The following MBD5 variants were observed in gnomAD, a reference collection of about 807,000 sequenced individuals.
MBD5 encodes the protein methyl-CpG-binding domain protein 5.
Under a neutral mutation model 117.3 loss-of-function variants are expected in MBD5, and 13 were observed. The observed-to-expected ratio is 0.11, with a 90% CI of 0.07 to 0.18. The LOEUF (loss-of-function observed/expected upper bound fraction) is 0.18. MBD5 is among the 10% of genes least tolerant of loss of function. The probability of loss-of-function intolerance (pLI) is 1.00; values close to 1 mark genes in which losing one functional copy is unlikely to be tolerated. For synonymous variants in MBD5, 727 were observed against 766.4 expected (o/e 0.95, Z 0.85); for missense variants, 1,879 against 2,093.8 (o/e 0.90, Z 2.00).
At chr2:148,408,063 T>C (rs11900654) in intron 4 of MBD5, among the ~76,000 whole-genome samples, 38,372 of 152,022 alleles carry the variant, frequency 0.25, 5,697 homozygotes, top group African/African-American at 0.41. Context: ...TCATCAGTAT[T>C]CATCTTGAGA....
rs547893445 is a variant in MBD5 at position 148,513,638 on chromosome 2, A to G, written c.*697A>G. On this transcript the variant is annotated 3_prime_UTR_variant, in exon 14 of 14. Coordinates refer to ENST00000642680, the MANE Select transcript of MBD5 (RefSeq NM_001378120.1). ...AATTTCGGGTGTCTAGGAAATTGCA[A>G]CTTTGCAGATTTCTAAAGGGATGAG... 1 of 152,404 alleles carries G rather than the reference A, an allele frequency of 6.6e-6. No individual in the cohort carries two copies. The highest frequency in any genetic ancestry group is 2.1e-4 in the South Asian group (1 of 4,830). 9.4% of individuals were successfully genotyped at this position (152,404 alleles called of 1,614,324 possible).
At chr2:148,432,255 T>C (rs112755926) in intron 4 of MBD5, among the ~76,000 whole-genome samples, 9,367 of 152,164 alleles carry the variant, frequency 0.062, 932 homozygotes, top group African/African-American at 0.21. Context: ...TCTTATAGAT[T>C]CTGGATATTA....
intron 1 of MBD5, among the ~76,000 whole-genome samples, chr2:148,087,379 G>A (rs1212406357): frequency 6.6e-6 from 1 of 152,202 alleles, no homozygotes; most frequent in African/African-American, 2.4e-5. Context: ...TCCTGAGTTT[G>A]TCCATGTGAC....
Position 148,386,290 on chromosome 2 carries a change from A to G in MBD5, c.-557+43954A>G, listed in dbSNP as rs1056008734. Among the ~76,000 whole-genome samples the G allele has an allele frequency of 2.6e-4, 39 of 152,328 alleles. No homozygotes were observed. The South Asian group carries it at 2.7e-3, about 11-fold the overall frequency. Reference sequence around the variant, plus strand: ...GATCCACAAAACCTGAAATTACTTAATTTGAAAGACCATAAAATTGACAAA... The same window carrying G: ...GATCCACAAAACCTGAAATTACTTAGTTTGAAAGACCATAAAATTGACAAA... On this transcript the variant is annotated intron_variant, in intron 4 of 13. Transcript: ENST00000642680.
chr2:148,031,002 A>G (rs191308417), intron 1 of MBD5, among the ~76,000 whole-genome samples: 61 of 152,246 alleles, frequency 4.0e-4, no homozygotes, highest in African/African-American at 1.4e-3. Context: ...TGTCCTGGAA[A>G]AATATAGACT....
intron 13 of MBD5, among the ~76,000 whole-genome samples, chr2:148,511,973 C>G (rs1203126296): frequency 6.6e-6 from 1 of 152,150 alleles, no homozygotes; most frequent in African/African-American, 2.4e-5. Flanking sequence ...AATTCTAAGT[C>G]CTGTGACATA....
chr2:148,138,427 C>T (rs947880437), intron 1 of MBD5, among the ~76,000 whole-genome samples: 4 of 152,070 alleles, frequency 2.6e-5, no homozygotes, highest in Non-Finnish European at 5.9e-5. Context: ...AGGAATTTTG[C>T]CGAGATTCAT....
chr2:148,469,987 A>G lies in MBD5; in HGVS notation c.2044A>G (p.Lys682Glu). ...QSQMDSSAVP[K>E]PGPDLLRKQG... Reference sequence around the variant, plus strand: ...TCAAATGGATAGTTCTGCAGTTCCTAAACCTGGACCTGACTTGCTAAGGAA... The same window carrying G: ...TCAAATGGATAGTTCTGCAGTTCCTGAACCTGGACCTGACTTGCTAAGGAA... The change falls in exon 8 of 14, where the codon AAA becomes GAA. Residue 682 changes from lysine (K) to glutamate (E), a missense_variant. This residue lies in a region of MBD5 where 1,666 missense variants were observed against 1,792.2 expected (regional missense o/e 0.93). Transcript: ENST00000642680. 6.2e-7 allele frequency: 1 copy of G among 1,613,862 alleles called. No individual in the cohort carries two copies. Among genetic ancestry groups the G allele is most frequent in the East Asian group, 2.2e-5 (1 of 44,872 alleles).
chr2:148,260,100 C>T (rs1023181891), intron 3 of MBD5, among the ~76,000 whole-genome samples: 1 of 152,090 alleles, frequency 6.6e-6, no homozygotes, highest in Non-Finnish European at 1.5e-5. Context: ...CCACATTGGT[C>T]GACTCTTCCC....
At chr2:148,175,681 A>G (rs1197039045) in intron 1 of MBD5, among the ~76,000 whole-genome samples, 3 of 152,182 alleles carry the variant, frequency 2.0e-5, no homozygotes, top group Non-Finnish European at 4.4e-5. Flanking sequence ...TTAATTGTAG[A>G]CTGCTGGAGT....
intron 11 of MBD5, among the ~76,000 whole-genome samples, chr2:148,497,289 G>C (rs1681732245): frequency 6.6e-6 from 1 of 151,926 alleles, no homozygotes; most frequent in African/African-American, 2.4e-5. Context: ...CCACTTTTTA[G>C]ATTTAAACAA....
intron 8 of MBD5, among the ~76,000 whole-genome samples, chr2:148,480,040 A>C (rs979090755): frequency 2.6e-5 from 4 of 152,078 alleles, no homozygotes; most frequent in Non-Finnish European, 4.4e-5. Context: ...AGGAAAGAAC[A>C]AGGGTTTTTT....
chr2:148,511,675 G>C (rs1402907820), intron 13 of MBD5, among the ~76,000 whole-genome samples: 1 of 152,156 alleles, frequency 6.6e-6, no homozygotes, highest in African/African-American at 2.4e-5. Context: ...CAGATTACTA[G>C]TTTGCAGTCT....
At chr2:148,138,056 A>G (rs1046739311) in intron 1 of MBD5, among the ~76,000 whole-genome samples, 2 of 152,188 alleles carry the variant, frequency 1.3e-5, no homozygotes, top group Non-Finnish European at 2.9e-5. Flanking sequence ...ACGAATTGCA[A>G]ATTATGTCTT....
At chr2:148,240,530 A>G (rs1488962255) in intron 3 of MBD5, among the ~76,000 whole-genome samples, 2 of 152,146 alleles carry the variant, frequency 1.3e-5, no homozygotes, top group Admixed American at 6.5e-5. Flanking sequence ...GATTATAGGC[A>G]TGAGCCACTG....
At chr2:148,172,393 C>T (rs1397883715) in intron 1 of MBD5, among the ~76,000 whole-genome samples, 1 of 152,200 alleles carries the variant, frequency 6.6e-6, no homozygotes, top group East Asian at 1.9e-4. Context: ...CAAGTGTGTG[C>T]ATGCTCGGGG....
chr2:148,475,280 T>A (rs1283490188), intron 8 of MBD5, among the ~76,000 whole-genome samples: 1 of 152,158 alleles, frequency 6.6e-6, no homozygotes, highest in Non-Finnish European at 1.5e-5. Context: ...AATTCTGGAT[T>A]GTGTGATTAA....
intron 4 of MBD5, among the ~76,000 whole-genome samples, chr2:148,388,270 G>C (rs1704441968): frequency 6.6e-6 from 1 of 152,158 alleles, no homozygotes; most frequent in African/African-American, 2.4e-5. Flanking sequence ...AATTAGTTAG[G>C]GGAGAATTGT....
rs1446837847 is a variant in MBD5, at chr2:148,043,485, A to AAATAAATAAATAAATAAATG, written c.-925+21803_-925+21804insTAAATAAATAAATAAATGAA. Reference sequence around the variant, plus strand: ...TAAATAAATAAATAAATAAATAAATAAAAGAATAGACTTTCTAGTTACTTG... The same window carrying AAATAAATAAATAAATAAATG: ...TAAATAAATAAATAAATAAATAAATAAATAAATAAATAAATAAATGAAAGAATAGACTTTCTAGTTACTTG... On this transcript the variant is annotated intron_variant, in intron 1 of 13. Transcript: ENST00000642680. Among the ~76,000 whole-genome samples the AAATAAATAAATAAATAAATG allele has an allele frequency of 6.4e-3, 905 of 141,804 alleles. 8 individuals are homozygous for AAATAAATAAATAAATAAATG. Among genetic ancestry groups the AAATAAATAAATAAATAAATG allele is most frequent in the African/African-American group, 0.022 (846 of 38,070 alleles). The allele number at this position is 141,804 out of a possible 152,430, so 93.0% of individuals were successfully genotyped here.
Sources: allele counts gnomAD v4.1 joint callset (sites outside exome capture counted in the v4.1 genomes callset), GRCh38; gene constraint gnomAD v4.1.1; regional missense constraint gnomAD v4.1.1; transcripts MANE v1.5; gene names NCBI Gene and HGNC (gene_info 2026-07-23, HGNC 2026-07-21).